The following PRKCE variants were observed in gnomAD, a reference collection of about 807,000 sequenced individuals.
PRKCE encodes the protein protein kinase C epsilon type.
PRKCE carries 16 observed loss-of-function variants against 85.4 expected under a neutral mutation model. The observed-to-expected ratio is 0.19, with a 90% CI of 0.13 to 0.28. The LOEUF is 0.28. Among genes scored for constraint, PRKCE ranks in the 10% least tolerant of loss-of-function variants. The pLI, the probability that PRKCE is intolerant of heterozygous loss-of-function variation, is 1.00. For synonymous variants in PRKCE, 388 were observed against 371.5 expected, an observed-to-expected ratio of 1.04 and a Z score of -0.51; for missense variants, 573 against 975.2, an observed-to-expected ratio of 0.59 and a Z score of 5.49.
At chr2:45,677,556 C>A (rs1329428723) in intron 1 of PRKCE, among the ~76,000 whole-genome samples, 1 of 152,066 alleles carries the variant, frequency 6.6e-6, no homozygotes, top group Non-Finnish European at 1.5e-5. Context: ...CGGGGTTTCA[C>A]CTTGTTAGCC....
chr2:45,903,216 C>T (rs1017804657), intron 2 of PRKCE, among the ~76,000 whole-genome samples: 23 of 152,202 alleles, frequency 1.5e-4, no homozygotes, highest in African/African-American at 5.3e-4. Flanking sequence ...ATGAGGAGTC[C>T]TCCAAGGGAT....
chr2:45,667,169 G>A (rs1477956238), intron 1 of PRKCE, among the ~76,000 whole-genome samples: 1 of 151,924 alleles, frequency 6.6e-6, no homozygotes, highest in Non-Finnish European at 1.5e-5. Flanking sequence ...AAAGTAGCCG[G>A]ATGTGGTGGC....
chr2:46,104,297 T>C (rs1392081915), intron 11 of PRKCE, among the ~76,000 whole-genome samples: 1 of 22,164 alleles, frequency 4.5e-5, no homozygotes, highest in Non-Finnish European at 1.4e-4. Context: ...CACCTTGTAC[T>C]TTTTTTTTTT....
intron 14 of PRKCE, among the ~76,000 whole-genome samples, chr2:46,168,426 A>G (rs1678561086): frequency 6.6e-6 from 1 of 152,212 alleles, no homozygotes; most frequent in Non-Finnish European, 1.5e-5. Flanking sequence ...CTTGACAGAA[A>G]GCTGGGAGGG....
chr2:45,654,829 AC>A (rs1162115358), intron 1 of PRKCE, among the ~76,000 whole-genome samples: 1 of 152,124 alleles, frequency 6.6e-6, no homozygotes, highest in Admixed American at 6.5e-5. Flanking sequence ...GGCAGGGGTG[AC>A]TGGCCCCTGG....
At chr2:46,154,554 A>T (rs1234289151) in intron 13 of PRKCE, among the ~76,000 whole-genome samples, 1 of 149,910 alleles carries the variant, frequency 6.7e-6, no homozygotes, top group African/African-American at 2.5e-5. Context: ...TCCCAGCCAC[A>T]TTCACTGGCT....
At chr2:45,723,342 A>G (rs1680781029) in intron 1 of PRKCE, among the ~76,000 whole-genome samples, 1 of 152,128 alleles carries the variant, frequency 6.6e-6, no homozygotes, top group African/African-American at 2.4e-5. Context: ...TTTCCAAGGT[A>G]GTCATTAGAG....
intron 1 of PRKCE, among the ~76,000 whole-genome samples, chr2:45,687,664 G>A (rs1031131905): frequency 1.3e-5 from 2 of 152,182 alleles, no homozygotes; most frequent in African/African-American, 4.8e-5. Flanking sequence ...TTGCTTATCT[G>A]TAAGGTGGCA....
Position 45,976,448 on chromosome 2 carries a change from G to A in PRKCE, c.432G>A (p.Glu144=), listed in dbSNP as rs1232767035. 1.3e-6 allele frequency: 2 copies of A among 1,599,680 alleles called. No homozygotes were observed. The highest frequency in any genetic ancestry group is 1.7e-6 in the Non-Finnish European group (2 of 1,179,966). ...CCCCAGCCCCTAAAGACAATGAAGA[G>A]CGTGTGTTCAGGGAACGCATGCGGC... The part of the protein sequence containing the change: ...SSGEAPKDNE[E]RVFRERMRPR... Residue 144 remains glutamate, a synonymous_variant, in exon 3 of 15, where the codon GAG becomes GAA. Transcript: ENST00000306156.
At chr2:45,818,475 C>T (rs546476238) in intron 1 of PRKCE, among the ~76,000 whole-genome samples, 1 of 152,292 alleles carries the variant, frequency 6.6e-6, no homozygotes, top group South Asian at 2.1e-4. Flanking sequence ...CAGATGTTTG[C>T]TTAGGAAGGA....
At chr2:46,113,646 TAG>T (rs1672475708) in intron 11 of PRKCE, among the ~76,000 whole-genome samples, 1 of 152,134 alleles carries the variant, frequency 6.6e-6, no homozygotes, top group Non-Finnish European at 1.5e-5. Flanking sequence ...TCTCTGCAGG[TAG>T]AGTTTGCAGT....
chr2:45,932,289 G>T (rs1368855682), intron 2 of PRKCE, among the ~76,000 whole-genome samples: 17 of 152,220 alleles, frequency 1.1e-4, no homozygotes, highest in Admixed American at 1.0e-3. Flanking sequence ...CTAGTCCATT[G>T]TGGGAATATA....
At chr2:45,751,718 C>T (rs1166500602) in intron 1 of PRKCE, among the ~76,000 whole-genome samples, 1 of 151,416 alleles carries the variant, frequency 6.6e-6, no homozygotes, top group Non-Finnish European at 1.5e-5. Context: ...TTTTTCAAAA[C>T]ACATTTTTGA....
At chr2:45,921,613 G>C (rs1035467122) in intron 2 of PRKCE, among the ~76,000 whole-genome samples, 3 of 152,204 alleles carry the variant, frequency 2.0e-5, no homozygotes, top group Non-Finnish European at 4.4e-5. Context: ...TAAACTGACA[G>C]GGTGACCAGA....
rs557524248 is a variant in PRKCE at position 46,003,323 on chromosome 2, G to C, written c.967-1219G>C. Among the ~76,000 whole-genome samples the C allele has an allele frequency of 5.9e-5, 9 of 152,338 alleles. No individual in the cohort carries two copies. The South Asian group carries it at 1.9e-3, about 32-fold the overall frequency. ...GGTAGACCAAGAGTTAGTACTAAAA[G>C]GGAGCAGAAGTGTTTGTGATCTTTG... On this transcript the variant is annotated intron_variant, in intron 7 of 14. Transcript: ENST00000306156.
intron 10 of PRKCE, among the ~76,000 whole-genome samples, chr2:46,025,069 T>C (rs1706994309): frequency 6.6e-6 from 1 of 151,200 alleles, no homozygotes; most frequent in African/African-American, 2.4e-5. Context: ...GCTCGAAAAT[T>C]TGACTGTAAA....
intron 1 of PRKCE, among the ~76,000 whole-genome samples, chr2:45,817,309 A>G (rs1689142519): frequency 6.6e-6 from 1 of 152,174 alleles, no homozygotes; most frequent in South Asian, 2.1e-4. Flanking sequence ...CTATATTTTT[A>G]GAAGTTTAAA....
chr2:45,992,842 C>T (rs1558932034), intron 6 of PRKCE, among the ~76,000 whole-genome samples: 1 of 152,178 alleles, frequency 6.6e-6, no homozygotes, highest in Non-Finnish European at 1.5e-5. Flanking sequence ...AGGTGAAAGT[C>T]AGAGTGCCTG....
chr2:46,185,395 C>G lies in PRKCE; in HGVS notation c.*514C>G, dbSNP rs1680380399. ...GAGGGAGGGCGCCCTTGAGGCATGCCCTCTGAGGGAGGGAGACCAGAGATG... is the reference window on the plus strand; with the variant it reads ...GAGGGAGGGCGCCCTTGAGGCATGCGCTCTGAGGGAGGGAGACCAGAGATG... On this transcript the variant is annotated 3_prime_UTR_variant, in exon 15 of 15. Coordinates refer to ENST00000306156, the MANE Select transcript of PRKCE (RefSeq NM_005400.3). The surrounding 1 kb of genome is among the most constrained non-coding windows in gnomAD (Gnocchi z 4.7). The G allele has an allele frequency of 6.5e-6, 1 of 153,162 alleles. No individual in the cohort carries two copies. Among genetic ancestry groups the G allele is most frequent in the South Asian group, 2.1e-4 (1 of 4,840 alleles). 9.5% of individuals were successfully genotyped at this position (153,162 alleles called of 1,614,324 possible).
Sources: allele counts gnomAD v4.1 joint callset (sites outside exome capture counted in the v4.1 genomes callset), GRCh38; gene constraint gnomAD v4.1.1; non-coding constraint Gnocchi (gnomAD v3.1); transcripts MANE v1.5; gene names NCBI Gene and HGNC (gene_info 2026-07-23, HGNC 2026-07-21).